Variants in ACAN observed in about 807,000 individuals in gnomAD.
The protein encoded by ACAN is aggrecan core protein.
ACAN carries 47 observed loss-of-function variants against 169.1 expected under a neutral mutation model. The observed-to-expected ratio is 0.28, with a 90% CI of 0.22 to 0.35. ACAN has a LOEUF of 0.35. Ranked by LOEUF, ACAN falls within the 10% of genes least tolerant of loss-of-function variation. The pLI is 1.00. For missense variants in ACAN, 2,716 were observed against 2,759.9 expected, an observed-to-expected ratio of 0.98 and a Z score of 0.36; for synonymous variants, 1,115 against 1,112.2, an observed-to-expected ratio of 1.00 and a Z score of -0.05.
At position 88,829,490 on chromosome 15, in the gene ACAN, T is replaced by C. The variant is rs1030667489; in HGVS notation, c.-7-6710T>C. On this transcript the variant is annotated intron_variant, in intron 1 of 18. Coordinates refer to ENST00000560601, the MANE Select transcript of ACAN (RefSeq NM_001369268.1). Reference sequence around the variant, plus strand: ...ACTCTGGCCAGATATGCTCTTGGTGTAGGGTCCCTGGCCTTTTCCCTATGC... The same window carrying C: ...ACTCTGGCCAGATATGCTCTTGGTGCAGGGTCCCTGGCCTTTTCCCTATGC... Among the ~76,000 whole-genome samples, 5 of 152,238 alleles carry C rather than the reference T, an allele frequency of 3.3e-5. No homozygotes were observed. In the East Asian group the frequency reaches 9.7e-4, roughly 29 times the overall value.
At chr15:88,813,066 G>A (rs1348454773) in intron 1 of ACAN, among the ~76,000 whole-genome samples, 1 of 152,162 alleles carries the variant, frequency 6.6e-6, no homozygotes, top group African/African-American at 2.4e-5. Flanking sequence ...GATGGACCTT[G>A]GAAATCTCCA....
In ACAN at chr15:88,861,466, C is replaced by T. The variant is rs970323402; in HGVS notation, c.6946+1027C>T. ...GTGTCTATATATATTAATATACATGCAAATTAATACATCATTATATATTAT... is the reference window on the plus strand; with the variant it reads ...GTGTCTATATATATTAATATACATGTAAATTAATACATCATTATATATTAT... On this transcript the variant is annotated intron_variant, in intron 13 of 18. Transcript: ENST00000560601. This position sits in a 1 kb window ranked among gnomAD's most constrained non-coding sequence, Gnocchi z 6.3. 6.6e-6 allele frequency among the ~76,000 whole-genome samples: 1 copy of T among 151,994 alleles called. No homozygotes were observed. Among genetic ancestry groups the T allele is most frequent in the African/African-American group, 2.4e-5 (1 of 41,342 alleles).
At position 88,851,526 on chromosome 15, in the gene ACAN, A is replaced by G. The variant is rs983418371; in HGVS notation, c.2027-268A>G. 3 of 383,104 alleles carry G rather than the reference A, an allele frequency of 7.8e-6. No homozygotes were observed. The highest frequency in any genetic ancestry group is 1.4e-5 in the Non-Finnish European group (3 of 213,556). 23.7% of individuals were successfully genotyped at this position (383,104 alleles called of 1,614,324 possible). A position where few individuals can be genotyped will look rare whatever the true frequency, so the allele number is the denominator to read the frequency against. On this transcript the variant is annotated intron_variant, in intron 10 of 18. Coordinates refer to ENST00000560601, the MANE Select transcript of ACAN (RefSeq NM_001369268.1). The surrounding 1 kb of genome is among the most constrained non-coding windows in gnomAD (Gnocchi z 4.3). ...TGAGATAAAGTGATTTTAGATACAC[A>G]AGGCTTTAGAGCAATGCCCGGCATA...
intron 1 of ACAN, among the ~76,000 whole-genome samples, chr15:88,825,284 C>T (rs1241753490): frequency 6.6e-6 from 1 of 152,076 alleles, no homozygotes; most frequent in African/African-American, 2.4e-5. Flanking sequence ...ATCAGACTAC[C>T]CAGGGAACAC....
rs1200622955 is a variant in ACAN, at chr15:88,839,656, G to C, written c.455-356G>C. Among the ~76,000 whole-genome samples the C allele has an allele frequency of 6.6e-6, 1 of 152,250 alleles. No individual in the cohort carries two copies. Among genetic ancestry groups the C allele is most frequent in the Non-Finnish European group, 1.5e-5 (1 of 68,036 alleles). ...TTCCACTAGGGTGGCCCTGGGCTGA[G>C]GGTGCAGGGCATTCTGAGTGTCTGT... On this transcript the variant is annotated intron_variant, in intron 3 of 18. Transcript: ENST00000560601. The surrounding 1 kb of genome is among the most constrained non-coding windows in gnomAD (Gnocchi z 4.5).
chr15:88,848,506 T>G (rs75788038), intron 9 of ACAN, among the ~76,000 whole-genome samples: 4,140 of 152,250 alleles, frequency 0.027, 194 homozygotes, highest in African/African-American at 0.095. Flanking sequence ...GTGAGTTGAT[T>G]GCTCTAGCCC....
At chr15:88,836,859 C>T (rs1896516525) in intron 2 of ACAN, among the ~76,000 whole-genome samples, 4 of 152,210 alleles carry the variant, frequency 2.6e-5, no homozygotes, top group Admixed American at 2.6e-4. Context: ...GGGCTTGACC[C>T]CAGAAGGGAA....
intron 2 of ACAN, among the ~76,000 whole-genome samples, chr15:88,837,139 C>T (rs1896525237): frequency 6.6e-6 from 1 of 152,160 alleles, no homozygotes; most frequent in African/African-American, 2.4e-5. Flanking sequence ...TGGTGGGAGC[C>T]ACCCTGGGCC....
Position 88,874,183 on chromosome 15 carries a change from CT to C in ACAN, c.7630+161del. 1 of 1,098,464 alleles carries C rather than the reference CT, an allele frequency of 9.1e-7. No homozygotes were observed. Among genetic ancestry groups the C allele is most frequent in the Non-Finnish European group, 1.3e-6 (1 of 749,244 alleles). 68.0% of individuals were successfully genotyped at this position (1,098,464 alleles called of 1,614,324 possible). A position where few individuals can be genotyped will look rare whatever the true frequency, so the allele number is the denominator to read the frequency against. ...CAGTCACAAATAGCTGACCACTGCC[CT>C]TAGAAGGGCCACGTACTTGTCCCAG... On this transcript the variant is annotated intron_variant, in intron 18 of 18. Transcript: ENST00000560601. The surrounding 1 kb of genome is among the most constrained non-coding windows in gnomAD (Gnocchi z 7.3).
rs573314060 is a variant in ACAN, at chr15:88,859,073, C to G, written c.6488C>G (p.Ala2163Gly). The G allele has an allele frequency of 2.5e-6, 4 of 1,613,952 alleles. No homozygotes were observed. In the African/African-American group the frequency reaches 4.0e-5, roughly 16 times the overall value. The change falls in exon 12 of 19, where the codon GCT (alanine) becomes GGT (glycine). Residue 2163 changes from alanine (A) to glycine (G), a missense_variant. Transcript: ENST00000560601. ...TLTFQEGEAS[A>G]APEVSGESTT... The stretch of plus-strand genomic sequence containing the variant: ...ACATTTCAAGAAGGCGAGGCGTCCG[C>G]TGCCCCAGAAGTGAGTGGAGAATCC...
Position 88,858,320 on chromosome 15 carries a change from A to G in ACAN, c.5735A>G (p.Glu1912Gly). The G allele has an allele frequency of 6.2e-7, 1 of 1,613,896 alleles. No homozygotes were observed. Among genetic ancestry groups the G allele is most frequent in the Non-Finnish European group, 8.5e-7 (1 of 1,179,882 alleles). The change falls in exon 12 of 19, where the codon GAG becomes GGG. Residue 1912 changes from glutamate to glycine, a missense_variant. Glu to Gly is a moderately conservative substitution (Grantham distance 98). This residue lies in a region of ACAN where 1,389 missense variants were observed against 1,363.7 expected (regional missense o/e 1.02). Coordinates refer to ENST00000560601, the MANE Select transcript of ACAN (RefSeq NM_001369268.1). The surrounding 1 kb of genome is among the most constrained non-coding windows in gnomAD (Gnocchi z 4.0). Reference protein sequence around the residue: ...AEVSGESSRAEIGSSLPSGAY... With the variant: ...AEVSGESSRAGIGSSLPSGAY... Reference sequence around the variant, plus strand: ...GTCAGTGGAGAATCCTCCAGAGCTGAGATTGGGAGCAGCCTGCCCTCGGGA... The same window carrying G: ...GTCAGTGGAGAATCCTCCAGAGCTGGGATTGGGAGCAGCCTGCCCTCGGGA...
At chr15:88,842,820 A>C (rs984257185) in intron 5 of ACAN, among the ~76,000 whole-genome samples, 13 of 152,244 alleles carry the variant, frequency 8.5e-5, no homozygotes, top group Non-Finnish European at 1.8e-4. Context: ...CTTACCCCTG[A>C]CACAACCTTG....
At chr15:88,821,318 CAG>C (rs1324263503) in intron 1 of ACAN, among the ~76,000 whole-genome samples, 1 of 151,936 alleles carries the variant, frequency 6.6e-6, no homozygotes, top group Non-Finnish European at 1.5e-5. Context: ...GTTGTAGAGA[CAG>C]GGGGAAGGGT....
chr15:88,851,619 A>C lies in ACAN; in HGVS notation c.2027-175A>C. ...TAAAGTGCTGATGGTGCATATGGAT[A>C]TTATATCATTGGTGCCGATGGCTCT... On this transcript the variant is annotated intron_variant, in intron 10 of 18. Coordinates refer to ENST00000560601, the MANE Select transcript of ACAN (RefSeq NM_001369268.1). The surrounding 1 kb of genome is among the most constrained non-coding windows in gnomAD (Gnocchi z 4.3). The C allele has an allele frequency of 1.5e-6, 1 of 669,650 alleles. No individual in the cohort carries two copies. The highest frequency in any genetic ancestry group is 1.8e-5 in the African/African-American group (1 of 55,402). 41.5% of individuals were successfully genotyped at this position (669,650 alleles called of 1,614,324 possible).
At chr15:88,824,498 A>G (rs773599153) in intron 1 of ACAN, among the ~76,000 whole-genome samples, 1 of 152,166 alleles carries the variant, frequency 6.6e-6, no homozygotes, top group Non-Finnish European at 1.5e-5. Flanking sequence ...AGAAAAACCA[A>G]AAAAACTCCC....
rs944114003 is a variant in ACAN at position 88,857,712 on chromosome 15, C to T, written c.5127C>T (p.Leu1709=). ...ACATTAGTGGGAGAGCTAGTGGACT[C>T]CCTTCAGGAACTGAACTCAGTGGCC... ...ELDISGRASG[L]PSGTELSGQA... is the part of the protein sequence containing the mutation. The change falls in exon 12 of 19, where the codon CTC becomes CTT. Residue 1709 remains leucine, a synonymous_variant. Coordinates refer to ENST00000560601, the MANE Select transcript of ACAN (RefSeq NM_001369268.1). 1 of 1,613,838 alleles carries T rather than the reference C, an allele frequency of 6.2e-7. No individual in the cohort carries two copies. Among genetic ancestry groups the T allele is most frequent in the Non-Finnish European group, 8.5e-7 (1 of 1,179,908 alleles).
rs1217968664 is a variant in ACAN, at chr15:88,873,261, A to T, written c.7447+236A>T. On this transcript the variant is annotated intron_variant, in intron 17 of 18. Transcript: ENST00000560601. The surrounding 1 kb of genome is among the most constrained non-coding windows in gnomAD (Gnocchi z 7.5). ...GACCGTTTGCAGGGACAGCAAGCAC[A>T]TGAAGGTCACAGGCTAGAAGACAGG... Among the ~76,000 whole-genome samples, 2 of 152,166 alleles carry T rather than the reference A, an allele frequency of 1.3e-5. No individual in the cohort carries two copies. The highest frequency in any genetic ancestry group is 3.9e-4 in the East Asian group (2 of 5,188).
rs773742497 is a variant in ACAN at position 88,871,867 on chromosome 15, G to A, written c.7220-136G>A. The A allele has an allele frequency of 5.2e-5, 42 of 815,244 alleles. No individual in the cohort carries two copies. The highest frequency in any genetic ancestry group is 7.4e-5 in the Non-Finnish European group (36 of 485,614). 50.5% of individuals were successfully genotyped at this position (815,244 alleles called of 1,614,324 possible). On this transcript the variant is annotated intron_variant, in intron 15 of 18. Transcript: ENST00000560601. The surrounding 1 kb of genome is among the most constrained non-coding windows in gnomAD (Gnocchi z 7.8). ...CGTGCTGAGCCTCTTGTGAGGACCT[G>A]AGAAGCACGTGCCTTGCTCCTAGGA...
chr15:88,820,129 G>A (rs1006303691), intron 1 of ACAN, among the ~76,000 whole-genome samples: 1 of 152,174 alleles, frequency 6.6e-6, no homozygotes, highest in Non-Finnish European at 1.5e-5. Flanking sequence ...ATGCTGGCAT[G>A]GACTCAAGCC....
Sources: allele counts gnomAD v4.1 joint callset (sites outside exome capture counted in the v4.1 genomes callset), GRCh38; gene constraint gnomAD v4.1.1; regional missense constraint gnomAD v4.1.1; non-coding constraint Gnocchi (gnomAD v3.1); transcripts MANE v1.5; gene names NCBI Gene and HGNC (gene_info 2026-07-23, HGNC 2026-07-21).